The following ZEB1 variants were observed in gnomAD, a reference collection of about 807,000 sequenced individuals.
The protein encoded by ZEB1 is zinc finger E-box binding homeobox 1.
A neutral mutation model predicts 84.9 loss-of-function variants in ZEB1; 21 were observed. The ratio of observed to expected loss-of-function variants is 0.25; its 90% CI spans 0.18 to 0.36. The LOEUF is 0.36. ZEB1 is among the 10% of genes least tolerant of loss of function. The pLI is 1.00. For missense variants in ZEB1, 1,104 were observed against 1,330.2 expected (o/e 0.83, Z 2.65); for synonymous variants, 420 against 471.1 (o/e 0.89, Z 1.41).
chr10:31,511,338 C>T (rs542548410), intron 5 of ZEB1, among the ~76,000 whole-genome samples: 1 of 152,056 alleles, frequency 6.6e-6, no homozygotes, highest in South Asian at 2.1e-4. Flanking sequence ...TGGTTTTTTT[C>T]CCCCGTAGTA....
chr10:31,431,945 G>A (rs2057761314), intron 1 of ZEB1, among the ~76,000 whole-genome samples: 1 of 152,180 alleles, frequency 6.6e-6, no homozygotes, highest in Non-Finnish European at 1.5e-5. Context: ...CAGAAAAGGT[G>A]GAGACTTGGT....
chr10:31,392,163 A>G (rs2049859644), intron 1 of ZEB1, among the ~76,000 whole-genome samples: 1 of 152,172 alleles, frequency 6.6e-6, no homozygotes, highest in South Asian at 2.1e-4. Flanking sequence ...AGTGGACTCT[A>G]CTAGTTAACA....
intron 1 of ZEB1, among the ~76,000 whole-genome samples, chr10:31,370,119 T>C (rs2045432969): frequency 1.3e-5 from 2 of 152,290 alleles, no homozygotes; most frequent in African/African-American, 4.8e-5. Context: ...CCTTATTAAA[T>C]GTATGATTTG....
At chr10:31,320,910 G>C (rs1279596895) in intron 1 of ZEB1, among the ~76,000 whole-genome samples, 1 of 152,176 alleles carries the variant, frequency 6.6e-6, no homozygotes, top group Non-Finnish European at 1.5e-5. Context: ...GGGCGGCAAC[G>C]GCCCTGCCGC....
intron 1 of ZEB1, among the ~76,000 whole-genome samples, chr10:31,418,634 G>C (rs1249868289): frequency 2.0e-5 from 3 of 152,034 alleles, no homozygotes; most frequent in Non-Finnish European, 4.4e-5. Context: ...TTCCTTGGTT[G>C]CTTGCTTCTC....
In ZEB1 at chr10:31,520,112, GT is replaced by G. The variant is rs1175641161; in HGVS notation, c.794-11del. The G allele has an allele frequency of 1.2e-6, 2 of 1,612,796 alleles. No individual in the cohort carries two copies. The highest frequency in any genetic ancestry group is 8.5e-7 in the Non-Finnish European group (1 of 1,179,624). ...ATAATTCAGTGAATATAATTTGTTT[GT>G]TTGTTTGTTTAGGAGAGAAGCCATA... is the stretch of plus-strand genomic sequence containing the variant. On this transcript the variant is annotated splice_polypyrimidine_tract_variant and intron_variant, in intron 6 of 8. Transcript: ENST00000424869. The surrounding 1 kb of genome is among the most constrained non-coding windows in gnomAD (Gnocchi z 5.1).
intron 4 of ZEB1, among the ~76,000 whole-genome samples, chr10:31,505,638 T>C (rs182606419): frequency 3.2e-4 from 48 of 152,104 alleles, no homozygotes; most frequent in Non-Finnish European, 5.9e-4. Context: ...ATTTGCATCT[T>C]CTCTGTTCTT....
intron 1 of ZEB1, chr10:31,319,876 T>TGGGTGCGCGGCAGGCGGGCTGC (rs2033312356): frequency 6.9e-6 from 1 of 144,882 alleles, no homozygotes; most frequent in Non-Finnish European, 1.5e-5. Flanking sequence ...GGCCGGGCTG[T>TGGGTGCGCGGCAGGCGGGCTGC]GGGCGCGCGG....
At chr10:31,451,445 C>T (rs528843274) in intron 1 of ZEB1, among the ~76,000 whole-genome samples, 4 of 152,084 alleles carry the variant, frequency 2.6e-5, no homozygotes, top group South Asian at 2.1e-4. Flanking sequence ...AAGTACTTTC[C>T]GCATTTGTAT....
intron 1 of ZEB1, among the ~76,000 whole-genome samples, chr10:31,346,785 TC>T (rs1019306322): frequency 1.3e-4 from 20 of 152,188 alleles, no homozygotes; most frequent in African/African-American, 4.8e-4. Flanking sequence ...ACATTGTAAG[TC>T]CCATTTCTGT....
At chr10:31,420,466 T>A (rs1436965704) in intron 1 of ZEB1, among the ~76,000 whole-genome samples, 2 of 152,130 alleles carry the variant, frequency 1.3e-5, no homozygotes, top group Non-Finnish European at 2.9e-5. Flanking sequence ...AATATGGCTC[T>A]TCACCTTTTC....
At chr10:31,449,851 C>T (rs1298862005) in intron 1 of ZEB1, among the ~76,000 whole-genome samples, 1 of 152,056 alleles carries the variant, frequency 6.6e-6, no homozygotes, top group Non-Finnish European at 1.5e-5. Context: ...TGCAGTATTA[C>T]CAAGTGTTTT....
intron 2 of ZEB1, among the ~76,000 whole-genome samples, chr10:31,467,070 G>A (rs1164583167): frequency 6.6e-6 from 1 of 152,086 alleles, no homozygotes; most frequent in Non-Finnish European, 1.5e-5. Flanking sequence ...TGAAGAAGTA[G>A]GAAGCAACAC....
chr10:31,350,979 G>T (rs2041223231), intron 1 of ZEB1, among the ~76,000 whole-genome samples: 2 of 152,078 alleles, frequency 1.3e-5, no homozygotes, highest in African/African-American at 4.8e-5. Flanking sequence ...AATTCATATG[G>T]CACAAAAGCA....
At chr10:31,423,858 C>A (rs2056560839) in intron 1 of ZEB1, among the ~76,000 whole-genome samples, 1 of 151,418 alleles carries the variant, frequency 6.6e-6, no homozygotes, top group Non-Finnish European at 1.5e-5. Context: ...TAGGAGTATG[C>A]TACTCTAATT....
intron 1 of ZEB1, among the ~76,000 whole-genome samples, chr10:31,343,377 T>A (rs1476527006): frequency 6.6e-6 from 1 of 152,170 alleles, no homozygotes; most frequent in Non-Finnish European, 1.5e-5. Flanking sequence ...GTAATTTGTA[T>A]CCTGAACGTT....
At chr10:31,383,898 A>AT (rs762160545) in intron 1 of ZEB1, among the ~76,000 whole-genome samples, 8 of 151,732 alleles carry the variant, frequency 5.3e-5, no homozygotes, top group African/African-American at 9.7e-5. Context: ...AAAACTGGAA[A>AT]TTGGATTCAG....
chr10:31,340,038 A>G (rs1028019708), intron 1 of ZEB1, among the ~76,000 whole-genome samples: 3 of 152,192 alleles, frequency 2.0e-5, no homozygotes, highest in Non-Finnish European at 4.4e-5. Context: ...ACGTCATGAA[A>G]TGTTTCTCAG....
At chr10:31,335,412 T>C (rs1261491105) in intron 1 of ZEB1, among the ~76,000 whole-genome samples, 1 of 152,166 alleles carries the variant, frequency 6.6e-6, no homozygotes, top group East Asian at 1.9e-4. Context: ...ATTACTGTAC[T>C]TGACCAATAA....
Sources: allele counts gnomAD v4.1 joint callset (sites outside exome capture counted in the v4.1 genomes callset), GRCh38; gene constraint gnomAD v4.1.1; non-coding constraint Gnocchi (gnomAD v3.1); transcripts MANE v1.5; gene names NCBI Gene and HGNC (gene_info 2026-07-23, HGNC 2026-07-21).